The following CA8 variants were observed in gnomAD, a reference collection of about 807,000 sequenced individuals.
CA8 encodes carbonic anhydrase 8 (inactive).
CA8 carries 22 observed loss-of-function variants against 41.4 expected under a neutral mutation model. The ratio of observed to expected loss-of-function variants is 0.53; its 90% CI spans 0.38 to 0.76. The LOEUF is 0.76. Ranked by LOEUF, CA8 falls within the 30% of genes least tolerant of loss-of-function variation. The probability of loss-of-function intolerance (pLI) is 0.00; values close to 1 mark genes in which losing one functional copy is unlikely to be tolerated. For missense variants in CA8, 270 were observed against 352.8 expected (o/e 0.77, Z 1.88); for synonymous variants, 121 against 130.6 (o/e 0.93, Z 0.50).
intron 3 of CA8, among the ~76,000 whole-genome samples, chr8:60,254,777 A>C (rs1191720262): frequency 6.6e-6 from 1 of 152,210 alleles, no homozygotes; most frequent in East Asian, 1.9e-4. Flanking sequence ...ACCCAAGTAA[A>C]TTAGAAAAGA....
intron 3 of CA8, among the ~76,000 whole-genome samples, chr8:60,249,785 G>A (rs2130546943): frequency 6.6e-6 from 1 of 152,248 alleles, no homozygotes; most frequent in South Asian, 2.1e-4. Context: ...AATTTTAAGA[G>A]TCTAAACCTA....
At chr8:60,278,683 C>T (rs1031130959) in intron 2 of CA8, among the ~76,000 whole-genome samples, 9 of 152,092 alleles carry the variant, frequency 5.9e-5, no homozygotes, top group African/African-American at 1.2e-4. Context: ...CTCAGAACAG[C>T]GAAGGAGACT....
intron 3 of CA8, among the ~76,000 whole-genome samples, chr8:60,256,068 C>T (rs956126884): frequency 4.6e-5 from 7 of 152,086 alleles, no homozygotes; most frequent in African/African-American, 1.2e-4. Context: ...CCTATATGCC[C>T]GGCTAATTTT....
Position 60,279,848 on chromosome 8 carries a change from T to C in CA8, c.133A>G (p.Asn45Asp), listed in dbSNP as rs1563389781. 4 of 1,613,574 alleles carry C rather than the reference T, an allele frequency of 2.5e-6. No individual in the cohort carries two copies. Among genetic ancestry groups the C allele is most frequent in the African/African-American group, 1.3e-5 (1 of 74,892 alleles). ...TTAATAGGAGACTGGTATTCCCCATTAGCATCAGGAAACACCAGACCCCAC... is the reference window on the plus strand; with the variant it reads ...TTAATAGGAGACTGGTATTCCCCATCAGCATCAGGAAACACCAGACCCCAC... ...VEWGLVFPDANGEYQSPINLN... is the reference protein window; with the variant it reads ...VEWGLVFPDADGEYQSPINLN... The change falls in exon 2 of 9, where the codon AAT (asparagine) becomes GAT (aspartate). Residue 45 changes from asparagine (N) to aspartate (D), a missense_variant. By Grantham distance (23) the Asn-to-Asp change is conservative. Transcript: ENST00000317995.
chr8:60,222,609 T>A, intron 7 of CA8, 40 bp downstream of exon 7: 2 of 1,260,612 alleles, frequency 1.6e-6, no homozygotes, highest in Non-Finnish European at 2.3e-6. Flanking sequence ...AATGTTTAAC[T>A]CAGAACTTCA....
chr8:60,249,309 A>G (rs1044225720), intron 3 of CA8, among the ~76,000 whole-genome samples: 7 of 152,194 alleles, frequency 4.6e-5, no homozygotes, highest in African/African-American at 1.4e-4. Context: ...TGGCCACATA[A>G]ACCGACAGTG....
chr8:60,230,560 T>C (rs923703527), intron 4 of CA8, among the ~76,000 whole-genome samples: 4 of 151,110 alleles, frequency 2.6e-5, no homozygotes, highest in African/African-American at 4.9e-5. Context: ...ACCCCCCCGA[T>C]GGATTTCAGC....
chr8:60,254,697 C>T (rs2130560078), intron 3 of CA8, among the ~76,000 whole-genome samples: 1 of 152,238 alleles, frequency 6.6e-6, no homozygotes, highest in Non-Finnish European at 1.5e-5. Context: ...ATCCATAAAC[C>T]ACCCTTAGTT....
chr8:60,189,117 G>A lies in CA8; in HGVS notation c.*904C>T, dbSNP rs965272092. ...GGCACCTAAAATAAGGATATTGTTG[G>A]TCATCTTTAAAGAAATGTCTTAACA... On this transcript the variant is annotated 3_prime_UTR_variant, in exon 9 of 9. Coordinates refer to ENST00000317995, the MANE Select transcript of CA8 (RefSeq NM_004056.6). 2 of 152,054 alleles carry A rather than the reference G, an allele frequency of 1.3e-5. No homozygotes were observed. Among genetic ancestry groups the A allele is most frequent in the African/African-American group, 4.8e-5 (2 of 41,414 alleles). The allele number at this position is 152,054 out of a possible 1,614,324, so 9.4% of individuals were successfully genotyped here. A position where few individuals can be genotyped will look rare whatever the true frequency, so the allele number is the denominator to read the frequency against.
intron 8 of CA8, among the ~76,000 whole-genome samples, chr8:60,205,282 T>C (rs1166436657): frequency 2.6e-5 from 4 of 152,192 alleles, no homozygotes; most frequent in African/African-American, 9.6e-5. Flanking sequence ...ATAGTTACTG[T>C]AAACATGTAT....
chr8:60,210,641 T>A (rs1806803304), intron 7 of CA8, among the ~76,000 whole-genome samples: 1 of 151,988 alleles, frequency 6.6e-6, no homozygotes, highest in African/African-American at 2.4e-5. Flanking sequence ...TCTCTGTACT[T>A]ACATGCGCTT....
At chr8:60,234,325 G>A (rs1807758094) in intron 3 of CA8, among the ~76,000 whole-genome samples, 1 of 152,186 alleles carries the variant, frequency 6.6e-6, no homozygotes, top group Non-Finnish European at 1.5e-5. Flanking sequence ...ATGTAATATG[G>A]TGTATGGTGC....
intron 8 of CA8, among the ~76,000 whole-genome samples, chr8:60,200,333 T>C (rs2130394920): frequency 6.6e-6 from 1 of 152,312 alleles, no homozygotes; most frequent in African/African-American, 2.4e-5. Context: ...CCCTTTCCCT[T>C]CTTCGGGAGA....
At position 60,186,066 on chromosome 8, in the gene CA8, G is replaced by A. The variant is rs541054956; in HGVS notation, c.*3955C>T. ...GGAGTAAGAAATCACACCAGATGGTGACTCAAATTTACAAGACAAAATGAA... is the reference window on the plus strand; with the variant it reads ...GGAGTAAGAAATCACACCAGATGGTAACTCAAATTTACAAGACAAAATGAA... On this transcript the variant is annotated 3_prime_UTR_variant, in exon 9 of 9. Coordinates refer to ENST00000317995, the MANE Select transcript of CA8 (RefSeq NM_004056.6). 6.6e-6 allele frequency among the ~76,000 whole-genome samples: 1 copy of A among 152,114 alleles called. No individual in the cohort carries two copies. Among genetic ancestry groups the A allele is most frequent in the East Asian group, 1.9e-4 (1 of 5,170 alleles).
intron 8 of CA8, among the ~76,000 whole-genome samples, chr8:60,193,530 A>G (rs1806195394): frequency 6.6e-6 from 1 of 152,202 alleles, no homozygotes; most frequent in Non-Finnish European, 1.5e-5. Flanking sequence ...TCTATAAATG[A>G]CTACTGTAAC....
intron 3 of CA8, among the ~76,000 whole-genome samples, chr8:60,253,334 A>G (rs1240111849): frequency 1.3e-5 from 2 of 152,076 alleles, no homozygotes; most frequent in Non-Finnish European, 2.9e-5. Context: ...ATGGTACCTC[A>G]CTTTCCAACT....
intron 3 of CA8, among the ~76,000 whole-genome samples, chr8:60,252,659 C>T (rs1808494016): frequency 1.3e-5 from 2 of 152,178 alleles, no homozygotes; most frequent in African/African-American, 2.4e-5. Context: ...CCAACTACTA[C>T]AGGTTGAGCA....
intron 4 of CA8, among the ~76,000 whole-genome samples, chr8:60,228,279 A>G (rs953259884): frequency 6.6e-6 from 1 of 152,262 alleles, no homozygotes; most frequent in African/African-American, 2.4e-5. Context: ...GTTAAAAACA[A>G]AAAAACATTT....
chr8:60,191,837 C>A lies in CA8; in HGVS notation c.*36-1852G>T, dbSNP rs1198386097. 2.6e-5 allele frequency among the ~76,000 whole-genome samples: 4 copies of A among 152,034 alleles called. No homozygotes were observed. The East Asian group carries it at 7.7e-4, about 29-fold the overall frequency. ...TCATTCTAATCATACGAGGTCAGGT[C>A]TCAAGCCAAAGCAGAATTTAACATT... On this transcript the variant is annotated intron_variant, in intron 8 of 8. Transcript: ENST00000317995.
Sources: allele counts gnomAD v4.1 joint callset (sites outside exome capture counted in the v4.1 genomes callset), GRCh38; gene constraint gnomAD v4.1.1; transcripts MANE v1.5; gene names NCBI Gene and HGNC (gene_info 2026-07-23, HGNC 2026-07-21).